The following RAB38 variants were observed in gnomAD, a reference collection of about 807,000 sequenced individuals.
The protein encoded by RAB38 is ras-related protein Rab-38.
In RAB38, 15 loss-of-function variants were observed where a neutral mutation model predicts 18.4. That is an observed-to-expected ratio of 0.82 (90% CI 0.55 to 1.26). RAB38 has a LOEUF of 1.26. Ranked by LOEUF, RAB38 falls within the 50% of genes most tolerant of loss-of-function variation. The pLI is 0.00. For missense variants in RAB38, 294 were observed against 267.4 expected, an observed-to-expected ratio of 1.10 and a Z score of -0.69; for synonymous variants, 101 against 104.4, an observed-to-expected ratio of 0.97 and a Z score of 0.20.
the RAB38 span, among the ~76,000 whole-genome samples, chr11:87,818,841 T>C: frequency 6.6e-6 from 1 of 152,196 alleles, no homozygotes; most frequent in Non-Finnish European, 1.5e-5. Flanking sequence ...GGAACCATTA[T>C]CTGCTCATAT....
At chr11:87,863,164 A>G in the RAB38 span, among the ~76,000 whole-genome samples, 1 of 151,888 alleles carries the variant, frequency 6.6e-6, no homozygotes, top group Non-Finnish European at 1.5e-5. Flanking sequence ...TGGTCTTCCA[A>G]TGTTAAAAAG....
the RAB38 span, among the ~76,000 whole-genome samples, chr11:87,862,160 G>A: frequency 6.6e-6 from 1 of 151,824 alleles, no homozygotes; most frequent in Non-Finnish European, 1.5e-5. Flanking sequence ...ACCATTACTG[G>A]GTATGTTCAG....
chr11:88,086,248 G>A, the RAB38 span, among the ~76,000 whole-genome samples: 1 of 151,870 alleles, frequency 6.6e-6, no homozygotes, highest in Non-Finnish European at 1.5e-5. Flanking sequence ...AAGAAAGACA[G>A]TTTTGATTTC....
At chr11:88,143,336 G>A (rs561546146) in intron 2 of RAB38, among the ~76,000 whole-genome samples, 1 of 152,346 alleles carries the variant, frequency 6.6e-6, no homozygotes, top group African/African-American at 2.4e-5. Context: ...AAACTTTGAA[G>A]CATAAAGGGT....
the RAB38 span, among the ~76,000 whole-genome samples, chr11:88,065,193 C>G: frequency 1.3e-4 from 20 of 152,160 alleles, no homozygotes; most frequent in African/African-American, 4.8e-4. Context: ...TGCAGGTTTG[C>G]TTTACAAATA....
the RAB38 span, among the ~76,000 whole-genome samples, chr11:87,947,137 A>G: frequency 9.2e-4 from 140 of 152,240 alleles, no homozygotes; most frequent in African/African-American, 3.1e-3. Context: ...TTCTCTGATG[A>G]CCAGTGATGA....
chr11:88,055,659 A>G, the RAB38 span, among the ~76,000 whole-genome samples: 1 of 152,238 alleles, frequency 6.6e-6, no homozygotes, highest in African/African-American at 2.4e-5. Context: ...CTATTTAAAA[A>G]ACATGAAAAT....
At chr11:87,953,407 C>T in the RAB38 span, among the ~76,000 whole-genome samples, 1 of 152,148 alleles carries the variant, frequency 6.6e-6, no homozygotes, top group South Asian at 2.1e-4. Flanking sequence ...AGCAATAGTA[C>T]AGTAGTCCCC....
At chr11:87,918,734 T>C in the RAB38 span, among the ~76,000 whole-genome samples, 1 of 148,350 alleles carries the variant, frequency 6.7e-6, no homozygotes, top group Admixed American at 6.6e-5. Context: ...TTGTTTTCTT[T>C]TTATGAGTTA....
chr11:88,043,482 CAGA>C, the RAB38 span, among the ~76,000 whole-genome samples: 1 of 152,106 alleles, frequency 6.6e-6, no homozygotes, highest in South Asian at 2.1e-4. Flanking sequence ...CCTGAAGTAA[CAGA>C]AGAATGACAA....
the RAB38 span, among the ~76,000 whole-genome samples, chr11:87,921,397 CG>C: frequency 6.6e-6 from 1 of 151,690 alleles, no homozygotes; most frequent in Non-Finnish European, 1.5e-5. Context: ...TTCGCCCAAC[CG>C]TAGGCTTATA....
At chr11:87,923,248 G>T in the RAB38 span, among the ~76,000 whole-genome samples, 2 of 151,896 alleles carry the variant, frequency 1.3e-5, no homozygotes, top group Admixed American at 6.6e-5. Flanking sequence ...CTTTGAAAAT[G>T]AAACCGGAAA....
the RAB38 span, among the ~76,000 whole-genome samples, chr11:88,012,348 A>G: frequency 3.3e-5 from 5 of 152,212 alleles, no homozygotes; most frequent in African/African-American, 1.2e-4. Flanking sequence ...GGCCAGCAGC[A>G]GGAAAAGACA....
the RAB38 span, among the ~76,000 whole-genome samples, chr11:88,078,503 G>A: frequency 3.2e-5 from 1 of 31,136 alleles, no homozygotes; most frequent in Non-Finnish European, 6.2e-5. Context: ...GTGTATATAT[G>A]TGTGTGTGTG....
chr11:88,084,678 GCT>G, the RAB38 span, among the ~76,000 whole-genome samples: 1 of 151,546 alleles, frequency 6.6e-6, no homozygotes, highest in Non-Finnish European at 1.5e-5. Flanking sequence ...TCATATAACA[GCT>G]CTCTCTCTTG....
At chr11:88,152,438 T>C (rs1413743482) in intron 1 of RAB38, among the ~76,000 whole-genome samples, 1 of 152,194 alleles carries the variant, frequency 6.6e-6, no homozygotes, top group Non-Finnish European at 1.5e-5. Flanking sequence ...TGTATATATA[T>C]ATGTGTGTGT....
intron 1 of RAB38, among the ~76,000 whole-genome samples, chr11:88,152,039 A>T (rs1296745231): frequency 6.6e-6 from 1 of 152,230 alleles, no homozygotes; most frequent in Admixed American, 6.5e-5. Flanking sequence ...ATGAACTTTT[A>T]GTTTTCCCAA....
chr11:88,075,378 T>C, the RAB38 span, among the ~76,000 whole-genome samples: 1 of 151,634 alleles, frequency 6.6e-6, no homozygotes, highest in Admixed American at 6.6e-5. Flanking sequence ...AAATCAGAAA[T>C]CAATAAAAAA....
the RAB38 span, among the ~76,000 whole-genome samples, chr11:87,894,668 G>A: frequency 6.6e-6 from 1 of 151,206 alleles, no homozygotes; most frequent in African/African-American, 2.4e-5. Context: ...CGTCAAGTAT[G>A]CCTACTGGTG....
Sources: gnomAD v4.1 joint callset for allele counts (sites outside exome capture counted in the v4.1 genomes callset) on GRCh38, gnomAD v4.1.1 for gene constraint, MANE v1.5 for transcripts, NCBI Gene and HGNC (gene_info 2026-07-23, HGNC 2026-07-21) for gene names.